SEC14L3: variants seen among roughly 807,000 people sequenced by gnomAD.
The protein encoded by SEC14L3 is SEC14 like lipid binding 3, also known as SEC14-like protein 3.
Under a neutral mutation model 57.4 loss-of-function variants are expected in SEC14L3, and 56 were observed. The ratio of observed to expected loss-of-function variants is 0.97; its 90% CI spans 0.79 to 1.22. The LOEUF (loss-of-function observed/expected upper bound fraction) is 1.22, where lower values mean the gene tolerates loss of function less well. SEC14L3 is among the 50% of genes most tolerant of loss of function. The pLI is 0.00. For missense variants in SEC14L3, 485 were observed against 511.7 expected (o/e 0.95, Z 0.50); for synonymous variants, 173 against 194.4 (o/e 0.89, Z 0.92).
At chr22:30,449,037 T>C (rs1444820947) in exon 13 of SEC14L3, 5 of 1,521,550 alleles carry the variant, frequency 3.3e-6, no homozygotes, top group Admixed American at 3.9e-5. Flanking sequence ...GGAGACCACG[T>C]AGGGGGTGAG....
At chr22:30,453,198 A>G (rs1188213504) in intron 12 of SEC14L3, among the ~76,000 whole-genome samples, 1 of 152,164 alleles carries the variant, frequency 6.6e-6, no homozygotes, top group African/African-American at 2.4e-5. Flanking sequence ...GGCTTTTGCT[A>G]GACATACACA....
chr22:30,464,985 C>T, intron 7 of SEC14L3, 82 bp from the exon 8 acceptor site: 2 of 1,592,142 alleles, frequency 1.3e-6, no homozygotes, highest in South Asian at 1.1e-5. Context: ...GCCAATGATA[C>T]AGAGGAGTCA....
At chr22:30,454,697 TAATA>T (rs1352109750), downstream of SEC14L3, among the ~76,000 whole-genome samples, 1 of 94,604 alleles carries the variant, frequency 1.1e-5, no homozygotes, top group Admixed American at 1.8e-4. Flanking sequence ...CTATAATCCA[TAATA>T]TATATTATTA....
downstream of SEC14L3, among the ~76,000 whole-genome samples, chr22:30,456,181 C>T (rs1019032335): frequency 6.6e-6 from 1 of 151,808 alleles, no homozygotes; most frequent in Admixed American, 6.6e-5. Context: ...CACATGTGTT[C>T]CCTGCTACTT....
At position 30,470,078 on chromosome 22, in the gene SEC14L3, A is replaced by T; in HGVS notation, c.175T>A (p.Tyr59Asn). The T allele has an allele frequency of 6.2e-7, 1 of 1,603,012 alleles. No homozygotes were observed. The highest frequency in any genetic ancestry group is 8.5e-7 in the Non-Finnish European group (1 of 1,173,754). The change falls in exon 4 of 12, where the codon TAC (tyrosine) becomes AAC (asparagine). Residue 59 changes from tyrosine (Y) to asparagine (N), a missense_variant and splice_region_variant. Coordinates refer to ENST00000215812, the MANE Select transcript of SEC14L3 (RefSeq NM_174975.5). ...TCCATGGTCTTCCGGAACTCCATGT[A>T]CTGAAAGGGAAATGAGTGGTAAGAT... Reference protein sequence around the residue: ...LQKSEALLRKYMEFRKTMDID... With the variant: ...LQKSEALLRKNMEFRKTMDID...
chr22:30,451,251 G>A (rs561345747), intron 12 of SEC14L3, among the ~76,000 whole-genome samples: 7 of 152,312 alleles, frequency 4.6e-5, no homozygotes, highest in African/African-American at 1.7e-4. Context: ...GCTGGAAGAT[G>A]CGTGGACAAG....
chr22:30,459,976 G>C lies in SEC14L3; in HGVS notation c.*45C>G, dbSNP rs771796937. The stretch of plus-strand genomic sequence containing the variant: ...AGGGAGGGAGTGTAGGATATAAACA[G>C]AGAAATCAAAGGGTTAGGAGGTCTC... On this transcript the variant is annotated 3_prime_UTR_variant, in exon 12 of 12. Transcript: ENST00000215812. 6.2e-7 allele frequency: 1 copy of C among 1,603,308 alleles called. No homozygotes were observed. The highest frequency in any genetic ancestry group is 8.5e-7 in the Non-Finnish European group (1 of 1,173,054).
At chr22:30,450,100 C>T (rs567652513) in intron 12 of SEC14L3, among the ~76,000 whole-genome samples, 32 of 152,192 alleles carry the variant, frequency 2.1e-4, no homozygotes, top group African/African-American at 4.1e-4. Context: ...CTCAGCCACA[C>T]GCTTGCTTTT....
At chr22:30,447,676 T>C (rs539569461), downstream of SEC14L3, among the ~76,000 whole-genome samples, 39 of 152,314 alleles carry the variant, frequency 2.6e-4, no homozygotes, top group African/African-American at 8.7e-4. Flanking sequence ...TGGGGGATCT[T>C]AGAATTTTAT....
chr22:30,461,171 G>T (rs1448243266), intron 11 of SEC14L3, 139 bp downstream of exon 11: 10 of 1,031,596 alleles, frequency 9.7e-6, no homozygotes, highest in African/African-American at 1.6e-5. Flanking sequence ...GTGAGTGACT[G>T]TATGAATGAA....
chr22:30,467,002 G>C lies in SEC14L3; in HGVS notation c.499C>G (p.Leu167Val), dbSNP rs774040484. ...GLGLKHFWKP[L>V]VEVYQEFFGL... Reference sequence around the variant, plus strand: ...CTTACCTCCTGGTACACTTCTACCAGAGGTTTCCAGAAGTGTTTCAGTCCC... The same window carrying C: ...CTTACCTCCTGGTACACTTCTACCACAGGTTTCCAGAAGTGTTTCAGTCCC... Residue 167 changes from leucine to valine, a missense_variant, in exon 6 of 12, where the codon CTG (leucine) becomes GTG (valine). Leu to Val is a conservative substitution (Grantham distance 32). Transcript: ENST00000215812. The C allele has an allele frequency of 1.3e-5, 21 of 1,614,028 alleles. No individual in the cohort carries two copies. The highest frequency in any genetic ancestry group is 1.6e-5 in the Non-Finnish European group (19 of 1,179,968).
In SEC14L3 at chr22:30,468,508, C is replaced by A. The variant is rs1569231504; in HGVS notation, c.423G>T (p.Arg141Ser). 6.2e-7 allele frequency: 1 copy of A among 1,609,108 alleles called. No individual in the cohort carries two copies. Among genetic ancestry groups the A allele is most frequent in the South Asian group, 1.1e-5 (1 of 90,800 alleles). ...CCACCCCACCTGGCCTGGACCTCAC[C>A]CTCTCTGTCTGCAGGTCACACTCAT... The part of the protein sequence containing the change: ...ILHECDLQTE[R>S]LGKKIETIVM... Residue 141 changes from arginine (R) to serine (S), a missense_variant and splice_region_variant, in exon 5 of 12, where the codon AGG (arginine) becomes AGT (serine). Arg to Ser is a moderately radical substitution (Grantham distance 110). Transcript: ENST00000215812.
intron 7 of SEC14L3, among the ~76,000 whole-genome samples, chr22:30,465,483 C>T (rs1396101967): frequency 6.6e-6 from 1 of 151,602 alleles, no homozygotes; most frequent in African/African-American, 2.4e-5. Flanking sequence ...GCCAGCCAAC[C>T]ATCCAAATAA....
chr22:30,453,866 C>G lies in SEC14L3; in HGVS notation c.905-4622G>C, dbSNP rs988378975. 1.4e-4 allele frequency among the ~76,000 whole-genome samples: 22 copies of G among 152,106 alleles called. 1 individual carries two copies. Among genetic ancestry groups the G allele is most frequent in the African/African-American group, 5.3e-4 (22 of 41,408 alleles). On this transcript the variant is annotated intron_variant, in intron 12 of 12. Transcript: ENST00000403066. ...GGGGAAGGGGACACCTATATGGTGG[C>G]CCGGCCCTGCTGAAGGTCAAGATGC...
At chr22:30,466,307 A>T in intron 7 of SEC14L3, 27 bp downstream of exon 7, 2 of 1,603,266 alleles carry the variant, frequency 1.2e-6, no homozygotes, top group Non-Finnish European at 1.7e-6. Context: ...ACAGAGGCAC[A>T]AGTAAGTGAA....
Position 30,462,104 on chromosome 22 carries a change from G to C in SEC14L3, c.753C>G (p.Asn251Lys), listed in dbSNP as rs773666194. The C allele has an allele frequency of 6.2e-7, 1 of 1,614,118 alleles. No individual in the cohort carries two copies. The highest frequency in any genetic ancestry group is 8.5e-7 in the Non-Finnish European group (1 of 1,180,004). Reference protein sequence around the residue: ...FGGTLTDPDGNPKCLTKINYG... With the variant: ...FGGTLTDPDGKPKCLTKINYG... Reference sequence around the variant, plus strand: ...TTTGTACCTTGGTTAAACATTTGGGGTTCCCATCTGGGTCAGTCAGGGTGC... The same window carrying C: ...TTTGTACCTTGGTTAAACATTTGGGCTTCCCATCTGGGTCAGTCAGGGTGC... The change falls in exon 9 of 12, where the codon AAC becomes AAG. Residue 251 changes from asparagine to lysine, a missense_variant. Asn to Lys is a moderately conservative substitution (Grantham distance 94, BLOSUM62 0). Transcript: ENST00000215812.
At position 30,466,985 on chromosome 22, in the gene SEC14L3, C is replaced by T. The variant is rs147755743; in HGVS notation, c.516G>A (p.Gln172=). ...HFWKPLVEVY[Q]EFFGLLEENY... ...TGGCCCTAGGACTTCTCCTTACCTC[C>T]TGGTACACTTCTACCAGAGGTTTCC... The change falls in exon 6 of 12, where the codon CAG becomes CAA. Residue 172 remains glutamine (Q), a synonymous_variant. Transcript: ENST00000215812. The T allele has an allele frequency of 1.6e-5, 26 of 1,613,644 alleles. No individual in the cohort carries two copies. The highest frequency in any genetic ancestry group is 2.2e-5 in the Non-Finnish European group (26 of 1,179,878).
At chr22:30,449,720 A>G (rs1181941382) in intron 12 of SEC14L3, among the ~76,000 whole-genome samples, 1 of 151,998 alleles carries the variant, frequency 6.6e-6, no homozygotes, top group Non-Finnish European at 1.5e-5. Flanking sequence ...TTGCACCACC[A>G]TGCCCAACTA....
chr22:30,459,800 C>T lies in SEC14L3; in HGVS notation c.*221G>A. The T allele has an allele frequency of 8.1e-7, 1 of 1,227,022 alleles. No homozygotes were observed. The highest frequency in any genetic ancestry group is 3.1e-5 in the South Asian group (1 of 32,178). 76.0% of individuals were successfully genotyped at this position (1,227,022 alleles called of 1,614,324 possible). On this transcript the variant is annotated 3_prime_UTR_variant, in exon 12 of 12. Transcript: ENST00000215812. ...CACCCACTTCTTGCCTTTACCCTTGCTTTTTCCTCTTCTGCAACCTTGGTA... is the reference window on the plus strand; with the variant it reads ...CACCCACTTCTTGCCTTTACCCTTGTTTTTTCCTCTTCTGCAACCTTGGTA...
Sources: allele counts gnomAD v4.1 joint callset (sites outside exome capture counted in the v4.1 genomes callset), GRCh38; gene constraint gnomAD v4.1.1; transcripts MANE v1.5; gene names NCBI Gene and HGNC (gene_info 2026-07-23, HGNC 2026-07-21).